Variants in TXNDC5 observed in about 807,000 individuals in gnomAD.
TXNDC5 encodes thioredoxin domain-containing protein 5.
Under a neutral mutation model 52.6 loss-of-function variants are expected in TXNDC5, and 44 were observed. That is an observed-to-expected ratio of 0.84 (90% CI 0.66 to 1.08). The LOEUF (loss-of-function observed/expected upper bound fraction) is 1.08. Among genes scored for constraint, TXNDC5 ranks in the 50% least tolerant of loss-of-function variants. The pLI, the probability that TXNDC5 is intolerant of heterozygous loss-of-function variation, is 0.00. For synonymous variants in TXNDC5, 241 were observed against 234.4 expected (o/e 1.03, Z -0.26); for missense variants, 600 against 565.5 (o/e 1.06, Z -0.62).
chr6:7,910,010 G>A (rs1760861981), intron 1 of TXNDC5: 2 of 986,140 alleles, frequency 2.0e-6, no homozygotes, highest in Non-Finnish European at 2.4e-6. Context: ...TGGACTCCCG[G>A]CTGCCCGAAA....
At chr6:7,887,309 C>T (rs1027462198) in intron 7 of TXNDC5, among the ~76,000 whole-genome samples, 3 of 152,172 alleles carry the variant, frequency 2.0e-5, no homozygotes, top group African/African-American at 7.2e-5. Flanking sequence ...CAGTGCAGAC[C>T]TCCTGCCGCA....
Position 7,910,600 on chromosome 6 carries a change from G to T in TXNDC5, c.177C>A (p.Asp59Glu), listed in dbSNP as rs148061709. ...CCGTGTACAGGTGCTTGCTGTGCGG[G>T]TCCTGTCCGTCCTCGCCGTCTGCCG... ...PPAADGEDGQ[D>E]PHSKHLYTAD... Residue 59 changes from aspartate (D) to glutamate (E), a missense_variant, in exon 1 of 10, where the codon GAC (aspartate) becomes GAA (glutamate). Coordinates refer to ENST00000379757, the MANE Select transcript of TXNDC5 (RefSeq NM_030810.5). 3 of 1,391,616 alleles carry T rather than the reference G, an allele frequency of 2.2e-6. No homozygotes were observed. Among genetic ancestry groups the T allele is most frequent in the Non-Finnish European group, 2.8e-6 (3 of 1,055,736 alleles). 86.2% of individuals were successfully genotyped at this position (1,391,616 alleles called of 1,614,324 possible).
At chr6:7,910,336 C>T (rs1157418684) in intron 1 of TXNDC5, among the ~76,000 whole-genome samples, 178 bp downstream of exon 1, 1 of 150,062 alleles carries the variant, frequency 6.7e-6, no homozygotes, top group Non-Finnish European at 1.5e-5. Flanking sequence ...CGGCCCCGCG[C>T]CCCCAGTATT....
At chr6:7,897,210 CAT>C (rs1391608616) in intron 3 of TXNDC5, among the ~76,000 whole-genome samples, 10 of 151,978 alleles carry the variant, frequency 6.6e-5, no homozygotes, top group African/African-American at 7.3e-5. Flanking sequence ...TGAGATGAAA[CAT>C]GTTTGTATAA....
In TXNDC5 at chr6:7,881,997, AGTTAGAGGACACTG is replaced by A. The variant is rs890287192; in HGVS notation, c.*1133_*1146del. 2.0e-5 allele frequency: 3 copies of A among 152,718 alleles called. No individual in the cohort carries two copies. The highest frequency in any genetic ancestry group is 2.0e-4 in the Admixed American group (3 of 15,286). The allele number at this position is 152,718 out of a possible 1,614,324, so 9.5% of individuals were successfully genotyped here. On this transcript the variant is annotated 3_prime_UTR_variant, in exon 10 of 10. Coordinates refer to ENST00000379757, the MANE Select transcript of TXNDC5 (RefSeq NM_030810.5). ...GGTGTTTAATCACAAGGACAGCATG[AGTTAGAGGACACTG>A]GCATCAACAGCTGCCACAGCCGTGC...
chr6:7,895,353 G>A (rs141804482), intron 3 of TXNDC5, 151 bp from the exon 4 acceptor site: 7,476 of 677,086 alleles, frequency 0.011, 59 homozygotes, highest in Middle Eastern at 0.014. Context: ...TGCTGAGTGA[G>A]GCCAGGTCAG....
At chr6:7,909,562 G>A (rs1561817634) in intron 1 of TXNDC5, among the ~76,000 whole-genome samples, 1 of 152,184 alleles carries the variant, frequency 6.6e-6, no homozygotes, top group Non-Finnish European at 1.5e-5. Flanking sequence ...TCTGCTCAAC[G>A]GAGGGGCTTT....
In TXNDC5 at chr6:7,883,102, G is replaced by A. The variant is rs368907925; in HGVS notation, c.*42C>T. 1 of 1,612,904 alleles carries A rather than the reference G, an allele frequency of 6.2e-7. No homozygotes were observed. Among genetic ancestry groups the A allele is most frequent in the Non-Finnish European group, 8.5e-7 (1 of 1,179,346 alleles). The stretch of plus-strand genomic sequence containing the variant: ...TGTGGGACTGAACTCCTAAACGCAG[G>A]GTGCGGGAGCTGGGCAGGAGAGGTG... On this transcript the variant is annotated 3_prime_UTR_variant, in exon 10 of 10. Coordinates refer to ENST00000379757, the MANE Select transcript of TXNDC5 (RefSeq NM_030810.5).
In TXNDC5 at chr6:7,895,002, C is replaced by A. The variant is rs1760315832; in HGVS notation, c.616+104G>T. On this transcript the variant is annotated intron_variant, in intron 4 of 9. Transcript: ENST00000379757. ...CTAGAGTGACCCTTTGTCAGTGCCA[C>A]TGATGCTGCTATCTAAGAGCCCTTG... is the stretch of plus-strand genomic sequence containing the variant. The A allele has an allele frequency of 2.0e-6, 3 of 1,476,148 alleles. No homozygotes were observed. In the South Asian group the frequency reaches 4.1e-5, roughly 20 times the overall value. 91.4% of individuals were successfully genotyped at this position (1,476,148 alleles called of 1,614,324 possible). A position where few individuals can be genotyped will look rare whatever the true frequency, so the allele number is the denominator to read the frequency against.
At chr6:7,906,884 G>T (rs990358112) in intron 1 of TXNDC5, among the ~76,000 whole-genome samples, 4 of 152,156 alleles carry the variant, frequency 2.6e-5, no homozygotes, top group Non-Finnish European at 4.4e-5. Flanking sequence ...GCATCTCTCC[G>T]ACTACATTAA....
chr6:7,904,682 A>AC lies in TXNDC5; in HGVS notation c.304_305insG (p.Leu102ArgfsTer17). On this transcript the variant is annotated frameshift_variant, in exon 2 of 10. Transcript: ENST00000379757. LOFTEE classifies it high-confidence loss of function. ...TTCCATGCTGTTGTATTTGTCTCCC[A>AC]GGTCATTCCAAGTCGGCTGCAGCCG... 1 of 1,614,188 alleles carries AC rather than the reference A, an allele frequency of 6.2e-7. No homozygotes were observed. Among genetic ancestry groups the AC allele is most frequent in the Non-Finnish European group, 8.5e-7 (1 of 1,180,038 alleles).
At position 7,910,764 on chromosome 6, in the gene TXNDC5, G is replaced by C. The variant is rs1760895724; in HGVS notation, c.13C>G (p.Pro5Ala). The C allele has an allele frequency of 1.0e-6, 1 of 995,896 alleles. No homozygotes were observed. The highest frequency in any genetic ancestry group is 6.1e-5 in the Admixed American group (1 of 16,326). The allele number at this position is 995,896 out of a possible 1,614,324, so 61.7% of individuals were successfully genotyped here. A position where few individuals can be genotyped will look rare whatever the true frequency, so the allele number is the denominator to read the frequency against. ...GCCAGCAGCGGGAGGAGGCGTCCTG[G>C]GCGCGCGGGCATCGCGGCGGGGCTG... MPAR[P>A]GRLLPLLARP... is the part of the protein sequence containing the mutation. The change falls in exon 1 of 10, where the codon CCA becomes GCA. Residue 5 changes from proline to alanine, a missense_variant. Pro to Ala is a conservative substitution (Grantham distance 27, BLOSUM62 -1). Coordinates refer to ENST00000379757, the MANE Select transcript of TXNDC5 (RefSeq NM_030810.5).
chr6:7,884,991 T>C (rs1759914004), intron 8 of TXNDC5, among the ~76,000 whole-genome samples: 1 of 152,220 alleles, frequency 6.6e-6, no homozygotes, highest in African/African-American at 2.4e-5. Context: ...CCCTCCCTTC[T>C]ACCCGACTCT....
intron 7 of TXNDC5, among the ~76,000 whole-genome samples, chr6:7,887,814 G>A (rs543289121): frequency 2.0e-5 from 3 of 152,086 alleles, no homozygotes; most frequent in Non-Finnish European, 4.4e-5. Flanking sequence ...TGTTCCCCCA[G>A]CCCCAGCTCT....
rs200430217 is a variant in TXNDC5, at chr6:7,883,301, C to A, written c.1177-35G>T. 4 of 1,612,570 alleles carry A rather than the reference C, an allele frequency of 2.5e-6. No individual in the cohort carries two copies. The African/African-American group carries it at 4.0e-5, about 16-fold the overall frequency. On this transcript the variant is annotated intron_variant, in intron 9 of 9. Transcript: ENST00000379757. ...AAAAAGAAAAAAGTTTGCAAACCAGCGGTCCAGATCACATGCAAATTGCTT... is the reference window on the plus strand; with the variant it reads ...AAAAAGAAAAAAGTTTGCAAACCAGAGGTCCAGATCACATGCAAATTGCTT...
At chr6:7,908,802 G>C (rs1321984275) in intron 1 of TXNDC5, among the ~76,000 whole-genome samples, 1 of 152,076 alleles carries the variant, frequency 6.6e-6, no homozygotes, top group Admixed American at 6.5e-5. Flanking sequence ...GCGTACCACT[G>C]GTTTCAGGCT....
intron 9 of TXNDC5, 106 bp from the exon 10 acceptor site, chr6:7,883,372 T>G: frequency 6.5e-7 from 1 of 1,535,150 alleles, no homozygotes; most frequent in Non-Finnish European, 8.8e-7. Flanking sequence ...CTGGAAAAAT[T>G]CTGTGGCTAA....
In TXNDC5 at chr6:7,910,253, C is replaced by T. The variant is rs977195899; in HGVS notation, c.263+261G>A. Among the ~76,000 whole-genome samples, 13 of 151,218 alleles carry T rather than the reference C, an allele frequency of 8.6e-5. No individual in the cohort carries two copies. The East Asian group carries it at 1.9e-3, about 23-fold the overall frequency. On this transcript the variant is annotated intron_variant, in intron 1 of 9. Coordinates refer to ENST00000379757, the MANE Select transcript of TXNDC5 (RefSeq NM_030810.5). ...GTCCCCTGCAGTCCCCGGCTCCCGG[C>T]CCCGAGCCGCGGCGCCCGCGCCCCC...
chr6:7,890,831 G>C (rs947695602), intron 5 of TXNDC5, among the ~76,000 whole-genome samples: 1 of 152,098 alleles, frequency 6.6e-6, no homozygotes, highest in African/African-American at 2.4e-5. Context: ...GTTTTGCAAA[G>C]GGGGAGACCG....
Sources: gnomAD v4.1 joint callset for allele counts (sites outside exome capture counted in the v4.1 genomes callset) on GRCh38, gnomAD v4.1.1 for gene constraint, MANE v1.5 for transcripts, NCBI Gene and HGNC (gene_info 2026-07-23, HGNC 2026-07-21) for gene names.